The following LGI3 variants were observed in gnomAD, a reference collection of about 807,000 sequenced individuals.
LGI3 encodes leucine rich repeat LGI family member 3.
Under a neutral mutation model 55.4 loss-of-function variants are expected in LGI3, and 47 were observed. The ratio of observed to expected loss-of-function variants is 0.85; its 90% CI spans 0.67 to 1.08. The LOEUF (loss-of-function observed/expected upper bound fraction) is 1.08, where lower values mean the gene tolerates loss of function less well. Among genes scored for constraint, LGI3 ranks in the 50% least tolerant of loss-of-function variants. The pLI is 0.00. For missense variants in LGI3, 664 were observed against 726.3 expected (o/e 0.91, Z 0.99); for synonymous variants, 326 against 315.0 (o/e 1.04, Z -0.37).
Position 22,148,715 on chromosome 8 carries a change from G to A in LGI3, c.1092C>T (p.Phe364=), listed in dbSNP as rs762190562. 1.9e-6 allele frequency: 3 copies of A among 1,614,176 alleles called. No homozygotes were observed. The highest frequency in any genetic ancestry group is 2.5e-6 in the Non-Finnish European group (3 of 1,180,022). The change falls in exon 8 of 8, where the codon TTC becomes TTT. Residue 364 remains phenylalanine, a synonymous_variant. Transcript: ENST00000306317. This position sits in a 1 kb window ranked among gnomAD's most constrained non-coding sequence, Gnocchi z 7.0. ...TSLYRWHQNG[F]YSHQALHPWH... is the part of the protein sequence containing the mutation. ...AGGGGTGCAGTGCCTGGTGGGAGTA[G>A]AAGCCATTCTGGTGCCAGCGGTAGA... is the stretch of plus-strand genomic sequence containing the variant.
At position 22,146,931 on chromosome 8, in the gene LGI3, G is replaced by C. The variant is rs1827309028; in HGVS notation, c.*1229C>G. ...GGAGCATCACACCATTTGGGCACAT[G>C]GTGTGCCCTCTCCACTAGCCTGGCA... On this transcript the variant is annotated 3_prime_UTR_variant, in exon 8 of 8. Transcript: ENST00000306317. The C allele has an allele frequency of 6.6e-6, 1 of 152,248 alleles. No individual in the cohort carries two copies. Among genetic ancestry groups the C allele is most frequent in the African/African-American group, 2.4e-5 (1 of 41,456 alleles). 9.4% of individuals were successfully genotyped at this position (152,248 alleles called of 1,614,324 possible). A position where few individuals can be genotyped will look rare whatever the true frequency, so the allele number is the denominator to read the frequency against.
intron 7 of LGI3, among the ~76,000 whole-genome samples, chr8:22,151,212 C>A (rs949162832): frequency 6.6e-6 from 1 of 152,058 alleles, no homozygotes; most frequent in African/African-American, 2.4e-5. Flanking sequence ...GCTTGGGTAT[C>A]CCCCCTCCAC....
Position 22,156,517 on chromosome 8 carries a change from C to A in LGI3, c.26G>T (p.Gly9Val), listed in dbSNP as rs538737490. MAGLRARGGPGPGLLALSA... is the reference protein window; with the variant it reads MAGLRARGVPGPGLLALSA... ...GAGCGCCAGCAGCCCCGGCCCCGGG[C>A]CCCCCCTGGCCCGCAGCCCCGCCAT... Residue 9 changes from glycine to valine, a missense_variant, in exon 1 of 8, where the codon GGC becomes GTC. Coordinates refer to ENST00000306317, the MANE Select transcript of LGI3 (RefSeq NM_139278.4). 17 of 1,344,348 alleles carry A rather than the reference C, an allele frequency of 1.3e-5. No homozygotes were observed. In the African/African-American group the frequency reaches 1.5e-4, roughly 12 times the overall value. 83.3% of individuals were successfully genotyped at this position (1,344,348 alleles called of 1,614,324 possible). A position where few individuals can be genotyped will look rare whatever the true frequency, so the allele number is the denominator to read the frequency against.
chr8:22,152,105 C>A (rs1200524483), intron 5 of LGI3, 105 bp from the exon 6 acceptor site: 6 of 872,634 alleles, frequency 6.9e-6, no homozygotes, highest in Non-Finnish European at 8.6e-6. Flanking sequence ...GTCAAGGCTG[C>A]TGCAAGTTGC....
rs754753255 is a variant in LGI3 at position 22,155,545 on chromosome 8, C to T, written c.207-82G>A. On this transcript the variant is annotated intron_variant, in intron 1 of 7. Coordinates refer to ENST00000306317, the MANE Select transcript of LGI3 (RefSeq NM_139278.4). ...GAGAGGTGAACACGGAGGGCAGTAGCTTTTGTACTCACTTGCCCTGGAAAT... is the reference window on the plus strand; with the variant it reads ...GAGAGGTGAACACGGAGGGCAGTAGTTTTTGTACTCACTTGCCCTGGAAAT... 5 of 1,133,136 alleles carry T rather than the reference C, an allele frequency of 4.4e-6. No homozygotes were observed. In the African/African-American group the frequency reaches 4.6e-5, roughly 10 times the overall value. The allele number at this position is 1,133,136 out of a possible 1,614,324, so 70.2% of individuals were successfully genotyped here.
At position 22,156,441 on chromosome 8, in the gene LGI3, G is replaced by A. The variant is rs1340018135; in HGVS notation, c.102C>T (p.Pro34=). 1.3e-6 allele frequency: 2 copies of A among 1,568,108 alleles called. No homozygotes were observed. Among genetic ancestry groups the A allele is most frequent in the Non-Finnish European group, 1.7e-6 (2 of 1,160,324 alleles). The change falls in exon 1 of 8, where the codon CCC becomes CCT. Residue 34 remains proline, a synonymous_variant. Transcript: ENST00000306317. ...AGCTGGGCGGGCAGGGGGGCGTCTTGGGGGGCCTCTTAGCGCTGACTTGCA... is the reference window on the plus strand; with the variant it reads ...AGCTGGGCGGGCAGGGGGGCGTCTTAGGGGGCCTCTTAGCGCTGACTTGCA... ...LMLQVSAKRP[P]KTPPCPPSCS...
At position 22,148,865 on chromosome 8, in the gene LGI3, G is replaced by A. The variant is rs768151860; in HGVS notation, c.942C>T (p.Arg314=). 12 of 1,614,100 alleles carry A rather than the reference G, an allele frequency of 7.4e-6. No individual in the cohort carries two copies. In the South Asian group the frequency reaches 1.2e-4, roughly 16 times the overall value. Residue 314 remains arginine, a synonymous_variant, in exon 8 of 8, where the codon CGC becomes CGT. Coordinates refer to ENST00000306317, the MANE Select transcript of LGI3 (RefSeq NM_139278.4). The surrounding 1 kb of genome is among the most constrained non-coding windows in gnomAD (Gnocchi z 7.0). ...GGTCAATGTCTTGCAGCCTGGTGAA[G>A]CGCGTGGTGTTGGGATCCCAGTGGT... ...YIYHWDPNTT[R]FTRLQDIDPQ...
In LGI3 at chr8:22,153,990, G is replaced by C. The variant is rs550303759; in HGVS notation, c.472C>G (p.Pro158Ala). Residue 158 changes from proline (P) to alanine (A), a missense_variant, in exon 5 of 8, where the codon CCC (proline) becomes GCC (alanine). Coordinates refer to ENST00000306317, the MANE Select transcript of LGI3 (RefSeq NM_139278.4). ...LQTLPRDIFR[P>A]LDILNDLDLR... ...TACAAGTCATTCAGGATGTCCAGGGGCCGGAAGATGTCTCTGGGCAGTGTC... is the reference window on the plus strand; with the variant it reads ...TACAAGTCATTCAGGATGTCCAGGGCCCGGAAGATGTCTCTGGGCAGTGTC... The C allele has an allele frequency of 6.2e-7, 1 of 1,614,132 alleles. No individual in the cohort carries two copies. Among genetic ancestry groups the C allele is most frequent in the African/African-American group, 1.3e-5 (1 of 75,042 alleles).
At chr8:22,154,484 A>G (rs1331512270) in intron 3 of LGI3, 76 bp downstream of exon 3, 1 of 1,291,716 alleles carries the variant, frequency 7.7e-7, no homozygotes, top group Non-Finnish European at 1.1e-6. Flanking sequence ...TCCACTCCCT[A>G]CCCAGTCCCT....
In LGI3 at chr8:22,148,987, G is replaced by C. The variant is rs764159623; in HGVS notation, c.830-10C>G. 3.6e-5 allele frequency: 57 copies of C among 1,587,710 alleles called. No individual in the cohort carries two copies. Among genetic ancestry groups the C allele is most frequent in the Non-Finnish European group, 4.6e-5 (54 of 1,165,892 alleles). ...TGCACTGCAGAGGGGGCTGTGCCAG[G>C]ACAGAGGCAGACAGCATCAGGCAGG... is the stretch of plus-strand genomic sequence containing the variant. On this transcript the variant is annotated splice_polypyrimidine_tract_variant and intron_variant, in intron 7 of 7. Coordinates refer to ENST00000306317, the MANE Select transcript of LGI3 (RefSeq NM_139278.4). The surrounding 1 kb of genome is among the most constrained non-coding windows in gnomAD (Gnocchi z 7.0).
intron 7 of LGI3, among the ~76,000 whole-genome samples, chr8:22,149,651 C>T (rs576638932): frequency 1.6e-4 from 24 of 152,296 alleles, no homozygotes; most frequent in African/African-American, 5.5e-4. Context: ...GAGCCCTTCT[C>T]GGGCACCAAG....
chr8:22,156,228 T>C, intron 1 of LGI3, 109 bp downstream of exon 1: 1 of 1,214,918 alleles, frequency 8.2e-7, no homozygotes, highest in Non-Finnish European at 1.2e-6. Context: ...GCAGTCCCCC[T>C]GGTCCCCGCA....
intron 5 of LGI3, among the ~76,000 whole-genome samples, chr8:22,152,302 C>T (rs1827389600): frequency 6.6e-6 from 1 of 152,210 alleles, no homozygotes; most frequent in Non-Finnish European, 1.5e-5. Flanking sequence ...AAGCCTCCCA[C>T]AATCCAAGGC....
At chr8:22,153,896 G>T in intron 5 of LGI3, 72 bp downstream of exon 5, 1 of 1,497,458 alleles carries the variant, frequency 6.7e-7, no homozygotes. Flanking sequence ...TCCCAATTCT[G>T]ACTCCCACAC....
At chr8:22,154,465 G>T in intron 3 of LGI3, 95 bp downstream of exon 3, 1 of 1,093,506 alleles carries the variant, frequency 9.1e-7, no homozygotes, top group Non-Finnish European at 1.4e-6. Flanking sequence ...CCTTCCTGCG[G>T]CATTCTCATC....
intron 7 of LGI3, among the ~76,000 whole-genome samples, chr8:22,149,222 A>G (rs1340300918): frequency 1.3e-5 from 2 of 152,344 alleles, no homozygotes; most frequent in African/African-American, 4.8e-5. Flanking sequence ...ATAAGCTGAC[A>G]TAGCACAAAA....
At chr8:22,152,387 C>G (rs112344798) in intron 5 of LGI3, among the ~76,000 whole-genome samples, 5 of 152,104 alleles carry the variant, frequency 3.3e-5, no homozygotes, top group African/African-American at 1.2e-4. Flanking sequence ...ATTCCTTACT[C>G]GAAACTTTCA....
At chr8:22,155,227 G>A (rs1354177143) in intron 2 of LGI3, 165 bp downstream of exon 2, 2 of 684,286 alleles carry the variant, frequency 2.9e-6, no homozygotes, top group African/African-American at 1.8e-5. Context: ...CTGACTCAAG[G>A]CTGCCCCGTC....
chr8:22,147,239 G>A lies in LGI3; in HGVS notation c.*921C>T, dbSNP rs544307987. On this transcript the variant is annotated 3_prime_UTR_variant, in exon 8 of 8. Coordinates refer to ENST00000306317, the MANE Select transcript of LGI3 (RefSeq NM_139278.4). The stretch of plus-strand genomic sequence containing the variant: ...GGGGACAGTCCAAGCCTGAGAAAGC[G>A]ACAGCTACAGGAAGGAAGGCAGAAA... The A allele has an allele frequency of 1.1e-4, 17 of 152,480 alleles. No homozygotes were observed. The highest frequency in any genetic ancestry group is 1.5e-4 in the Non-Finnish European group (10 of 68,112). 9.4% of individuals were successfully genotyped at this position (152,480 alleles called of 1,614,324 possible).
Sources: gnomAD v4.1 joint callset for allele counts (sites outside exome capture counted in the v4.1 genomes callset) on GRCh38, gnomAD v4.1.1 for gene constraint, Gnocchi (gnomAD v3.1) non-coding constraint, MANE v1.5 for transcripts, NCBI Gene and HGNC (gene_info 2026-07-23, HGNC 2026-07-21) for gene names.